Variants in TASP1 observed in about 807,000 individuals in gnomAD.
The protein encoded by TASP1 is threonine aspartase 1.
A neutral mutation model predicts 56.6 loss-of-function variants in TASP1; 16 were observed. The ratio of observed to expected loss-of-function variants is 0.28; its 90% CI spans 0.19 to 0.43. TASP1 has a LOEUF of 0.43. Ranked by LOEUF, TASP1 falls within the 20% of genes least tolerant of loss-of-function variation. TASP1 has a pLI of 1.00. For missense variants in TASP1, 393 were observed against 511.6 expected, an observed-to-expected ratio of 0.77 and a Z score of 2.24; for synonymous variants, 179 against 184.2, an observed-to-expected ratio of 0.97 and a Z score of 0.23.
intron 13 of TASP1, among the ~76,000 whole-genome samples, chr20:13,404,790 C>T (rs2041856721): frequency 6.6e-6 from 1 of 152,074 alleles, no homozygotes; most frequent in Non-Finnish European, 1.5e-5. Flanking sequence ...TCTAGTCAAA[C>T]ACCTATTTCT....
chr20:13,567,404 G>A (rs2046570425), intron 7 of TASP1, among the ~76,000 whole-genome samples: 1 of 152,092 alleles, frequency 6.6e-6, no homozygotes. Flanking sequence ...ACCTGTACAT[G>A]TGCCCCTAAA....
At chr20:13,569,422 G>A in intron 7 of TASP1, 85 bp downstream of exon 7, 1 of 1,023,180 alleles carries the variant, frequency 9.8e-7, no homozygotes, top group Non-Finnish European at 1.5e-6. Context: ...ATAAATATCT[G>A]TACTACATGG....
chr20:13,274,297 G>A, the TASP1 span, among the ~76,000 whole-genome samples: 2 of 152,098 alleles, frequency 1.3e-5, no homozygotes, highest in Non-Finnish European at 2.9e-5. Context: ...ACACAGGGCC[G>A]ATTCAGCCCA....
the TASP1 span, among the ~76,000 whole-genome samples, chr20:13,362,808 AATATAT>A: frequency 3.1e-3 from 356 of 114,848 alleles, 10 homozygotes; most frequent in African/African-American, 9.8e-3. Context: ...AATAGCAAGA[AATATAT>A]ATATATATAT....
At chr20:13,110,532 C>T in the TASP1 span, among the ~76,000 whole-genome samples, 4 of 152,110 alleles carry the variant, frequency 2.6e-5, no homozygotes, top group South Asian at 2.1e-4. Flanking sequence ...AAAGGCGTTT[C>T]GCAGCTGGGT....
chr20:13,271,455 C>T, the TASP1 span, among the ~76,000 whole-genome samples: 1 of 152,146 alleles, frequency 6.6e-6, no homozygotes, highest in African/African-American at 2.4e-5. Flanking sequence ...CTTTACAAAG[C>T]AAATGTTGAT....
the TASP1 span, among the ~76,000 whole-genome samples, chr20:13,253,476 T>C: frequency 2.6e-5 from 4 of 152,286 alleles, no homozygotes; most frequent in South Asian, 6.2e-4. Context: ...GCATCTCCCA[T>C]TGCCAAAGTA....
intron 10 of TASP1, among the ~76,000 whole-genome samples, chr20:13,525,933 T>C (rs2044961666): frequency 6.6e-6 from 1 of 152,192 alleles, no homozygotes. Flanking sequence ...CTACACTGGA[T>C]GTCATGAACT....
At chr20:13,290,377 C>T in the TASP1 span, among the ~76,000 whole-genome samples, 5 of 152,146 alleles carry the variant, frequency 3.3e-5, no homozygotes, top group African/African-American at 7.2e-5. Context: ...TTGCCTGGTG[C>T]GGTGGCTCAT....
Position 13,547,906 on chromosome 20 carries a change from C to T in TASP1, c.675+11102G>A, listed in dbSNP as rs560214585. ...ACATACAATAGCTGTCCTCCTGGAA[C>T]CTCATTCTACTGGAAGATAAAGACA... is the stretch of plus-strand genomic sequence containing the variant. On this transcript the variant is annotated intron_variant, in intron 8 of 13. Transcript: ENST00000337743. Among the ~76,000 whole-genome samples the T allele has an allele frequency of 2.6e-5, 4 of 152,226 alleles. No individual in the cohort carries two copies. In the South Asian group the frequency reaches 8.3e-4, roughly 32 times the overall value.
chr20:13,530,397 C>T (rs1410941841), intron 9 of TASP1, among the ~76,000 whole-genome samples: 1 of 152,188 alleles, frequency 6.6e-6, no homozygotes, highest in Non-Finnish European at 1.5e-5. Flanking sequence ...GAAAGCCCTT[C>T]AGAAGTGATT....
intron 2 of TASP1, 63 bp downstream of exon 2, chr20:13,629,859 ATTCTCAGTGTAC>A: frequency 6.3e-7 from 1 of 1,592,032 alleles, no homozygotes; most frequent in Non-Finnish European, 8.5e-7. Flanking sequence ...GTGAAATGTG[ATTCTCAGTGTAC>A]TTCAAGGCAG....
intron 10 of TASP1, among the ~76,000 whole-genome samples, chr20:13,517,817 A>G (rs2044596049): frequency 6.6e-6 from 1 of 152,174 alleles, no homozygotes; most frequent in African/African-American, 2.4e-5. Context: ...AAGAAGCAAT[A>G]TATTAAAAGT....
At chr20:13,467,251 CA>C (rs1466490866) in intron 11 of TASP1, among the ~76,000 whole-genome samples, 1 of 151,578 alleles carries the variant, frequency 6.6e-6, no homozygotes, top group Non-Finnish European at 1.5e-5. Flanking sequence ...AAGGCACTCG[CA>C]AGTAACTGTC....
At chr20:13,290,033 G>C in the TASP1 span, among the ~76,000 whole-genome samples, 1 of 152,190 alleles carries the variant, frequency 6.6e-6, no homozygotes, top group East Asian at 1.9e-4. Flanking sequence ...GGAAGAATCA[G>C]ATTGGAATGA....
At chr20:13,110,577 T>A in the TASP1 span, among the ~76,000 whole-genome samples, 6 of 152,312 alleles carry the variant, frequency 3.9e-5, no homozygotes, top group African/African-American at 1.4e-4. Context: ...CCTTTATGAC[T>A]GGTAGAAATT....
the TASP1 span, among the ~76,000 whole-genome samples, chr20:13,371,051 TTCTC>T: frequency 6.6e-6 from 1 of 152,138 alleles, no homozygotes; most frequent in South Asian, 2.1e-4. Flanking sequence ...CATTTGAGTC[TTCTC>T]TCTTTTTTCT....
the TASP1 span, among the ~76,000 whole-genome samples, chr20:13,364,393 G>A: frequency 3.7e-4 from 57 of 152,222 alleles, no homozygotes; most frequent in East Asian, 0.01. Context: ...AGTGAATTGC[G>A]GTCAGGAAGG....
chr20:13,574,860 G>A (rs1341687855), intron 6 of TASP1, among the ~76,000 whole-genome samples: 1 of 152,002 alleles, frequency 6.6e-6, no homozygotes, highest in Non-Finnish European at 1.5e-5. Context: ...TACTACAAGA[G>A]GCTGAAATTA....
Sources: gnomAD v4.1 joint callset for allele counts (sites outside exome capture counted in the v4.1 genomes callset) on GRCh38, gnomAD v4.1.1 for gene constraint, MANE v1.5 for transcripts, NCBI Gene and HGNC (gene_info 2026-07-23, HGNC 2026-07-21) for gene names.